PUM2: variants seen among roughly 807,000 people sequenced by gnomAD.
PUM2 encodes pumilio RNA binding family member 2, also known as pumilio homolog 2.
A neutral mutation model predicts 124.5 loss-of-function variants in PUM2; 57 were observed. The ratio of observed to expected loss-of-function variants is 0.46; its 90% CI spans 0.37 to 0.57. PUM2 has a LOEUF of 0.57. Ranked by LOEUF, PUM2 falls within the 20% of genes least tolerant of loss-of-function variation. The probability of loss-of-function intolerance (pLI) is 0.00; values close to 1 mark genes in which losing one functional copy is unlikely to be tolerated. For synonymous variants in PUM2, 460 were observed against 446.1 expected (o/e 1.03, Z -0.39); for missense variants, 1,065 against 1,290.6 (o/e 0.83, Z 2.68).
At chr2:20,338,409 C>T (rs948393658) in intron 1 of PUM2, among the ~76,000 whole-genome samples, 1 of 151,710 alleles carries the variant, frequency 6.6e-6, no homozygotes, top group African/African-American at 2.4e-5. Flanking sequence ...AAAAACAAAA[C>T]AAAAAAAACA....
chr2:20,252,457 A>C (rs879689004), intron 20 of PUM2, among the ~76,000 whole-genome samples: 1 of 152,246 alleles, frequency 6.6e-6, no homozygotes, highest in Non-Finnish European at 1.5e-5. Flanking sequence ...GAATTTTAAA[A>C]ATCAGAAGAC....
chr2:20,283,947 A>C (rs887124277), intron 10 of PUM2, among the ~76,000 whole-genome samples: 1 of 152,240 alleles, frequency 6.6e-6, no homozygotes, highest in African/African-American at 2.4e-5. Context: ...TCATCTCTTT[A>C]AAAACTTAAG....
intron 13 of PUM2, among the ~76,000 whole-genome samples, chr2:20,266,051 C>T (rs1667567926): frequency 6.6e-6 from 1 of 152,134 alleles, no homozygotes; most frequent in Non-Finnish European, 1.5e-5. Flanking sequence ...CTCCTGTGCA[C>T]ATCGTATACA....
At chr2:20,321,829 A>C (rs1420344898) in intron 2 of PUM2, among the ~76,000 whole-genome samples, 3 of 152,242 alleles carry the variant, frequency 2.0e-5, no homozygotes, top group Non-Finnish European at 1.5e-5. Context: ...ACAAACTCTA[A>C]AAGAAGGTCA....
At chr2:20,253,760 G>A in intron 20 of PUM2, 62 bp downstream of exon 20, 1 of 1,429,790 alleles carries the variant, frequency 7.0e-7, no homozygotes. Context: ...AGCCCAAGGA[G>A]GTTAAATGTG....
intron 9 of PUM2, among the ~76,000 whole-genome samples, chr2:20,291,428 G>A (rs1042513861): frequency 3.9e-5 from 6 of 152,162 alleles, no homozygotes; most frequent in African/African-American, 7.2e-5. Flanking sequence ...CTCGCTCGGC[G>A]TCTCTATTCT....
intron 4 of PUM2, 59 bp from the exon 5 acceptor site, chr2:20,311,722 C>T: frequency 6.6e-7 from 1 of 1,513,424 alleles, no homozygotes; most frequent in Non-Finnish European, 9.0e-7. Flanking sequence ...AAAAAGGCAC[C>T]ATAAGGTGAC....
At chr2:20,313,022 T>C (rs1680010660) in intron 3 of PUM2, among the ~76,000 whole-genome samples, 1 of 152,226 alleles carries the variant, frequency 6.6e-6, no homozygotes. Context: ...TGTAGAAAGC[T>C]GAAACTGGAT....
chr2:20,258,351 T>C lies in PUM2; in HGVS notation c.2376A>G (p.Lys792=). 6.2e-7 allele frequency: 1 copy of C among 1,612,308 alleles called. No homozygotes were observed. The highest frequency in any genetic ancestry group is 1.1e-5 in the South Asian group (1 of 90,850). ...KFFEFGSLDQ[K]LALATRIRGH... ...CACGAATACGAGTAGCCAGGGCTAA[T>C]TTTTGATCCAGACTCCCAAACTGAC... Residue 792 remains lysine (K), a synonymous_variant, in exon 16 of 21, where the codon AAA becomes AAG. Transcript: ENST00000361078.
At chr2:20,314,897 A>C (rs1345390685) in intron 3 of PUM2, among the ~76,000 whole-genome samples, 1 of 152,172 alleles carries the variant, frequency 6.6e-6, no homozygotes, top group Non-Finnish European at 1.5e-5. Context: ...TTTAACAAAA[A>C]TATAATCCAT....
At chr2:20,273,404 T>G (rs1669488476) in intron 13 of PUM2, among the ~76,000 whole-genome samples, 1 of 152,186 alleles carries the variant, frequency 6.6e-6, no homozygotes, top group Non-Finnish European at 1.5e-5. Flanking sequence ...GATCAAGTAT[T>G]TTCTAGTCTT....
chr2:20,310,178 T>C (rs939498236), intron 5 of PUM2, among the ~76,000 whole-genome samples: 1 of 152,130 alleles, frequency 6.6e-6, no homozygotes, highest in Non-Finnish European at 1.5e-5. Context: ...CTGTTGATTG[T>C]GTTAACACAT....
chr2:20,296,387 C>T (rs945237949), intron 8 of PUM2, among the ~76,000 whole-genome samples: 9 of 151,620 alleles, frequency 5.9e-5, no homozygotes, highest in African/African-American at 2.2e-4. Flanking sequence ...CCCAGCTACT[C>T]GGGAGGCTGA....
intron 12 of PUM2, among the ~76,000 whole-genome samples, chr2:20,281,010 G>A (rs1671384523): frequency 6.6e-6 from 1 of 152,112 alleles, no homozygotes; most frequent in African/African-American, 2.4e-5. Flanking sequence ...TTGTATATGT[G>A]TATACAGGCA....
At chr2:20,292,809 T>G (rs1323123524) in intron 9 of PUM2, among the ~76,000 whole-genome samples, 1 of 152,042 alleles carries the variant, frequency 6.6e-6, no homozygotes. Context: ...CACGTGCCTG[T>G]CATCCCAGCT....
intron 2 of PUM2, among the ~76,000 whole-genome samples, chr2:20,325,864 G>GC (rs957492422): frequency 1.3e-5 from 2 of 152,090 alleles, no homozygotes; most frequent in African/African-American, 4.8e-5. Context: ...CTTGTGATCC[G>GC]CCCACCTTGG....
intron 18 of PUM2, 64 bp from the exon 19 acceptor site, chr2:20,255,048 A>C: frequency 1.9e-6 from 3 of 1,548,762 alleles, no homozygotes; most frequent in African/African-American, 1.4e-5. Context: ...TTCTTTAAAG[A>C]CATGTTAATC....
chr2:20,319,166 T>C (rs755518002), intron 2 of PUM2, among the ~76,000 whole-genome samples: 4 of 152,180 alleles, frequency 2.6e-5, no homozygotes, highest in African/African-American at 4.8e-5. Flanking sequence ...GTAGAAAACA[T>C]GCATAGAAAA....
chr2:20,316,695 G>C (rs984361624), intron 3 of PUM2, among the ~76,000 whole-genome samples: 1 of 151,998 alleles, frequency 6.6e-6, no homozygotes, highest in African/African-American at 2.4e-5. Flanking sequence ...GACCAGCCTG[G>C]GTAACATAGT....
Sources: allele counts gnomAD v4.1 joint callset (sites outside exome capture counted in the v4.1 genomes callset), GRCh38; gene constraint gnomAD v4.1.1; transcripts MANE v1.5; gene names NCBI Gene and HGNC (gene_info 2026-07-23, HGNC 2026-07-21).